Variants in NENF observed in about 807,000 individuals in gnomAD.
NENF encodes neudesin.
Under a neutral mutation model 14.8 loss-of-function variants are expected in NENF, and 6 were observed. That is an observed-to-expected ratio of 0.40 (90% CI 0.22 to 0.80). NENF has a LOEUF of 0.80. NENF is among the 30% of genes least tolerant of loss of function. The probability of loss-of-function intolerance (pLI) is 0.34; values close to 1 mark genes in which losing one functional copy is unlikely to be tolerated. For synonymous variants in NENF, 76 were observed against 95.1 expected (o/e 0.80, Z 1.17); for missense variants, 184 against 212.7 (o/e 0.87, Z 0.84).
At chr1:212,441,011 C>G (rs889499796) in intron 1 of NENF, among the ~76,000 whole-genome samples, 1 of 152,070 alleles carries the variant, frequency 6.6e-6, no homozygotes, top group African/African-American at 2.4e-5. Context: ...GGGACTGTAC[C>G]CATCGTCCCA....
intron 1 of NENF, among the ~76,000 whole-genome samples, chr1:212,435,601 G>T (rs1406867186): frequency 6.8e-6 from 1 of 146,392 alleles, no homozygotes; most frequent in Admixed American, 6.9e-5. Context: ...AGCCTGGAGT[G>T]CAGTGGCAGG....
At chr1:212,442,156 C>T (rs1277415474) in intron 1 of NENF, among the ~76,000 whole-genome samples, 1 of 152,196 alleles carries the variant, frequency 6.6e-6, no homozygotes, top group Non-Finnish European at 1.5e-5. Context: ...GGATTACAGG[C>T]ATGTGCCACC....
At chr1:212,438,044 C>A (rs1476789560) in intron 1 of NENF, among the ~76,000 whole-genome samples, 1 of 152,088 alleles carries the variant, frequency 6.6e-6, no homozygotes, top group Non-Finnish European at 1.5e-5. Context: ...CTTTAGAACT[C>A]CATTCTCCCA....
rs1662542558 is a variant in NENF at position 212,433,011 on chromosome 1, C to T, written c.68C>T (p.Ala23Val). 4 of 1,166,574 alleles carry T rather than the reference C, an allele frequency of 3.4e-6. No homozygotes were observed. The highest frequency in any genetic ancestry group is 4.2e-6 in the Non-Finnish European group (4 of 945,478). 72.3% of individuals were successfully genotyped at this position (1,166,574 alleles called of 1,614,324 possible). Reference protein sequence around the residue: ...LAALALVLALAPGLPTARAGQ... With the variant: ...LAALALVLALVPGLPTARAGQ... ...GCGCTGGCCCTGGTCCTGGCGCTGG[C>T]CCCGGGGCTGCCCACAGCCCGGGCC... Residue 23 changes from alanine to valine, a missense_variant, in exon 1 of 4, where the codon GCC (alanine) becomes GTC (valine). Transcript: ENST00000366988. This position sits in a 1 kb window ranked among gnomAD's most constrained non-coding sequence, Gnocchi z 5.5.
Position 212,446,055 on chromosome 1 carries a change from C to T in NENF, c.*49C>T. ...CTTGGGAGCGTGAGGCAGGAAGACA[C>T]TAGGTGCTGAATCTCCTGCAAAACT... On this transcript the variant is annotated 3_prime_UTR_variant, in exon 4 of 4. Transcript: ENST00000366988. The T allele has an allele frequency of 2.5e-6, 4 of 1,595,156 alleles. No homozygotes were observed. The highest frequency in any genetic ancestry group is 1.1e-5 in the South Asian group (1 of 90,078).
intron 1 of NENF, among the ~76,000 whole-genome samples, chr1:212,436,289 A>G (rs1437032255): frequency 3.4e-5 from 5 of 147,292 alleles, no homozygotes; most frequent in Admixed American, 3.4e-4. Context: ...GCAGGAGCAG[A>G]TGCTGTAGCC....
At chr1:212,434,787 G>A (rs1044770355) in intron 1 of NENF, 1 of 152,232 alleles carries the variant, frequency 6.6e-6, no homozygotes. Flanking sequence ...TGAGGTTACA[G>A]CAAGAGTGCC....
intron 1 of NENF, among the ~76,000 whole-genome samples, chr1:212,440,119 G>A (rs1286019485): frequency 1.3e-5 from 2 of 150,334 alleles, no homozygotes; most frequent in Non-Finnish European, 3.0e-5. Context: ...GGGTATGGTG[G>A]CGTGTGCCTG....
intron 3 of NENF, among the ~76,000 whole-genome samples, 183 bp downstream of exon 3, chr1:212,444,625 A>T (rs1000042699): frequency 6.7e-6 from 1 of 148,402 alleles, no homozygotes; most frequent in African/African-American, 2.5e-5. Flanking sequence ...TCCACTTGGT[A>T]TGGTGGCCAG....
Position 212,444,420 on chromosome 1 carries a change from C to T in NENF, c.320C>T (p.Pro107Leu), listed in dbSNP as rs1250664388. 1 of 1,608,404 alleles carries T rather than the reference C, an allele frequency of 6.2e-7. No individual in the cohort carries two copies. The highest frequency in any genetic ancestry group is 1.3e-5 in the African/African-American group (1 of 74,882). ...GGGGTAGCCAAGATGTCCTTGGATC[C>T]TGCAGACCTCACCCATGACACTGTG... is the stretch of plus-strand genomic sequence containing the variant. The part of the protein sequence containing the change: ...TRGVAKMSLD[P>L]ADLTHDTTGL... Residue 107 changes from proline (P) to leucine (L), a missense_variant, in exon 3 of 4, where the codon CCT becomes CTT. By Grantham distance (98) the Pro-to-Leu change is moderately conservative (BLOSUM62 -3). Coordinates refer to ENST00000366988, the MANE Select transcript of NENF (RefSeq NM_013349.5).
At chr1:212,439,884 G>A (rs932454900) in intron 1 of NENF, among the ~76,000 whole-genome samples, 2 of 151,772 alleles carry the variant, frequency 1.3e-5, no homozygotes, top group African/African-American at 4.8e-5. Context: ...AGAAAAGAGT[G>A]TTAGTGATAA....
intron 2 of NENF, among the ~76,000 whole-genome samples, chr1:212,442,928 A>G (rs1662719975): frequency 6.6e-6 from 1 of 152,006 alleles, no homozygotes; most frequent in African/African-American, 2.4e-5. Context: ...TTTTTAGTAG[A>G]GACGGGGTTT....
chr1:212,435,305 G>A (rs1415670296), intron 1 of NENF, among the ~76,000 whole-genome samples: 4 of 152,066 alleles, frequency 2.6e-5, no homozygotes, highest in Non-Finnish European at 4.4e-5. Flanking sequence ...ACAGGAGTTC[G>A]GGGTACTGAC....
intron 1 of NENF, among the ~76,000 whole-genome samples, chr1:212,442,012 C>T (rs73088514): frequency 0.05 from 7,536 of 152,156 alleles, 645 homozygotes; most frequent in African/African-American, 0.17. Flanking sequence ...TGCTTCTGTT[C>T]CTGATTTTCT....
intron 2 of NENF, among the ~76,000 whole-genome samples, chr1:212,443,064 A>G (rs1662721775): frequency 6.6e-6 from 1 of 152,100 alleles, no homozygotes; most frequent in Admixed American, 6.6e-5. Context: ...AAATGAGCAG[A>G]TTGAGTTAAT....
chr1:212,435,057 A>G (rs934403655), intron 1 of NENF: 3 of 152,224 alleles, frequency 2.0e-5, no homozygotes, highest in African/African-American at 4.8e-5. Flanking sequence ...GTTCTGGTCT[A>G]TGCCTGTTAT....
chr1:212,445,732 T>C, intron 3 of NENF, 98 bp from the exon 4 acceptor site: 1 of 1,244,740 alleles, frequency 8.0e-7, no homozygotes, highest in Non-Finnish European at 1.1e-6. Context: ...TCTCTTGCAT[T>C]AGGGATGTGG....
chr1:212,435,810 G>T (rs1558192080), intron 1 of NENF, among the ~76,000 whole-genome samples: 1 of 152,078 alleles, frequency 6.6e-6, no homozygotes, highest in African/African-American at 2.4e-5. Flanking sequence ...TTCCCAAAGT[G>T]CTGGGAATAC....
chr1:212,433,671 C>G lies in NENF; in HGVS notation c.177+551C>G, dbSNP rs1342169627. 2.6e-5 allele frequency among the ~76,000 whole-genome samples: 4 copies of G among 152,072 alleles called. No homozygotes were observed. Among genetic ancestry groups the G allele is most frequent in the African/African-American group, 9.7e-5 (4 of 41,412 alleles). ...ATGTACCCCTGGGGCTCAGCCAAAG[C>G]TGGAAGTGAGCGCAGAGGGTGGACT... On this transcript the variant is annotated intron_variant, in intron 1 of 3. Transcript: ENST00000366988. This position sits in a 1 kb window ranked among gnomAD's most constrained non-coding sequence, Gnocchi z 5.5.
Sources: gnomAD v4.1 joint callset for allele counts (sites outside exome capture counted in the v4.1 genomes callset) on GRCh38, gnomAD v4.1.1 for gene constraint, Gnocchi (gnomAD v3.1) non-coding constraint, MANE v1.5 for transcripts, NCBI Gene and HGNC (gene_info 2026-07-23, HGNC 2026-07-21) for gene names.